Variants in GGTA1 observed in about 807,000 individuals in gnomAD.
GGTA1 encodes the protein inactive N-acetyllactosaminide alpha-1,3-galactosyltransferase.
GGTA1 carries 5 observed loss-of-function variants against 2.6 expected under a neutral mutation model. That is an observed-to-expected ratio of 1.92 (90% CI 1.00 to 4.04). The LOEUF (loss-of-function observed/expected upper bound fraction) is 4.04, where lower values mean the gene tolerates loss of function less well. Ranked by LOEUF, GGTA1 falls within the 30% of genes most tolerant of loss-of-function variation. GGTA1 has a pLI of 0.00. For synonymous variants in GGTA1, 17 were observed against 5.0 expected (o/e 3.38, Z -3.19); for missense variants, 50 against 16.7 (o/e 2.99, Z -3.47).
intron 1 of GGTA1, among the ~76,000 whole-genome samples, chr9:121,492,286 T>G (rs1350987213): frequency 6.6e-6 from 1 of 152,088 alleles, no homozygotes; most frequent in Non-Finnish European, 1.5e-5. Flanking sequence ...TCGCAGGCGT[T>G]GCTCAGAGAG....
At chr9:121,448,265 C>T (rs2064861713) in intron 7 of GGTA1, among the ~76,000 whole-genome samples, 1 of 152,158 alleles carries the variant, frequency 6.6e-6, no homozygotes, top group African/African-American at 2.4e-5. Context: ...AACATAAACC[C>T]CAATGTTGCT....
chr9:121,473,117 C>T (rs1434411578), intron 1 of GGTA1, among the ~76,000 whole-genome samples: 1 of 151,908 alleles, frequency 6.6e-6, no homozygotes, highest in Non-Finnish European at 1.5e-5. Flanking sequence ...GTCAGGAGTT[C>T]GAGACCAGCC....
intron 1 of GGTA1, among the ~76,000 whole-genome samples, chr9:121,494,993 C>T (rs1391173513): frequency 2.1e-5 from 3 of 144,556 alleles, no homozygotes; most frequent in Non-Finnish European, 3.0e-5. Context: ...GGTGCCATCT[C>T]AGCTCACTGC....
chr9:121,451,000 C>G (rs1331456428), downstream of GGTA1, among the ~76,000 whole-genome samples: 1 of 151,876 alleles, frequency 6.6e-6, no homozygotes, highest in East Asian at 1.9e-4. Flanking sequence ...CTTCAAGTCT[C>G]TTTATACAAG....
At chr9:121,474,055 A>T (rs756680961) in intron 1 of GGTA1, among the ~76,000 whole-genome samples, 8 of 151,810 alleles carry the variant, frequency 5.3e-5, no homozygotes, top group Non-Finnish European at 1.2e-4. Flanking sequence ...AAAAGAAAAG[A>T]AAGTTCTAAA....
intron 5 of GGTA1, among the ~76,000 whole-genome samples, chr9:121,459,896 T>A (rs547715447): frequency 2.7e-4 from 41 of 152,224 alleles, no homozygotes; most frequent in Non-Finnish European, 4.1e-4. Context: ...AGCACAGTGT[T>A]TTTGACCATA....
At chr9:121,466,989 C>T (rs867354126) in intron 2 of GGTA1, among the ~76,000 whole-genome samples, 7 of 150,798 alleles carry the variant, frequency 4.6e-5, no homozygotes, top group Admixed American at 1.3e-4. Flanking sequence ...AAGAGATATT[C>T]GAATGTTAAT....
intron 1 of GGTA1, among the ~76,000 whole-genome samples, chr9:121,491,519 C>T (rs1291322807): frequency 6.6e-6 from 1 of 152,196 alleles, no homozygotes; most frequent in Non-Finnish European, 1.5e-5. Context: ...AGGTCATTTC[C>T]CCTGGCCACC....
downstream of GGTA1, among the ~76,000 whole-genome samples, chr9:121,451,616 A>G (rs2064878742): frequency 6.6e-6 from 1 of 152,216 alleles, no homozygotes; most frequent in Non-Finnish European, 1.5e-5. Flanking sequence ...CTAGGGCCAA[A>G]TCCTCCATGA....
downstream of GGTA1, among the ~76,000 whole-genome samples, chr9:121,454,569 T>C (rs993073207): frequency 1.3e-5 from 2 of 152,170 alleles, no homozygotes; most frequent in African/African-American, 4.8e-5. Flanking sequence ...GGGTTAAAGC[T>C]GGGATTTAAA....
In GGTA1 at chr9:121,459,126, G is replaced by A. The variant is rs115498996; in HGVS notation, c.298+978C>T. 8.4e-3 allele frequency among the ~76,000 whole-genome samples: 1,276 copies of A among 152,306 alleles called. 19 individuals carry two copies. The highest frequency in any genetic ancestry group is 0.029 in the African/African-American group (1,215 of 41,544). On this transcript the variant is annotated intron_variant, in intron 5 of 5. Coordinates refer to ENST00000481799, the MANE Select transcript of GGTA1 (RefSeq NM_001382585.1). ...AAGAGAAGTTGCCAGAACATATTCA[G>A]TCTTTCCAGAGCCCAAGCTCCTTCA... is the stretch of plus-strand genomic sequence containing the variant.
intron 1 of GGTA1, among the ~76,000 whole-genome samples, chr9:121,492,726 G>A (rs953228243): frequency 4.0e-5 from 6 of 151,754 alleles, no homozygotes; most frequent in African/African-American, 1.4e-4. Context: ...CGCCCGCCTC[G>A]GCCTCCCAAA....
intron 1 of GGTA1, among the ~76,000 whole-genome samples, chr9:121,472,863 T>C (rs887746120): frequency 1.3e-5 from 2 of 152,174 alleles, no homozygotes; most frequent in Non-Finnish European, 2.9e-5. Flanking sequence ...ATAGCCCGAA[T>C]CAGACATACC....
chr9:121,498,894 G>GT (rs142008912), intron 1 of GGTA1, among the ~76,000 whole-genome samples: 13,799 of 142,810 alleles, frequency 0.097, 745 homozygotes, highest in African/African-American at 0.15. Context: ...TCTTTTTACT[G>GT]TTTTTTTTTT....
intron 1 of GGTA1, among the ~76,000 whole-genome samples, chr9:121,489,425 C>T (rs1271661067): frequency 6.6e-6 from 1 of 152,120 alleles, no homozygotes; most frequent in Non-Finnish European, 1.5e-5. Flanking sequence ...CTCAAACTCC[C>T]GTACACAAAC....
chr9:121,494,922 C>CTT (rs66772492), intron 1 of GGTA1: 6,593 of 114,018 alleles, frequency 0.058, 477 homozygotes, highest in East Asian at 0.1. Context: ...CTACATCATT[C>CTT]TTTTTTTTTT....
intron 1 of GGTA1, among the ~76,000 whole-genome samples, chr9:121,473,208 T>C (rs1828429459): frequency 6.6e-6 from 1 of 150,594 alleles, no homozygotes; most frequent in South Asian, 2.1e-4. Context: ...TAATACCGGC[T>C]ACTTGGGAGG....
intron 1 of GGTA1, among the ~76,000 whole-genome samples, chr9:121,492,306 A>G (rs897353012): frequency 6.6e-6 from 1 of 152,034 alleles, no homozygotes; most frequent in African/African-American, 2.4e-5. Context: ...GAAGCTGGCT[A>G]GACTTGGGCC....
At chr9:121,494,976 G>C (rs1828958676) in intron 1 of GGTA1, among the ~76,000 whole-genome samples, 1 of 140,538 alleles carries the variant, frequency 7.1e-6, no homozygotes, top group Non-Finnish European at 1.5e-5. Flanking sequence ...TCAGGCTGGA[G>C]TGCAGTGGTG....
Sources: allele counts gnomAD v4.1 joint callset (sites outside exome capture counted in the v4.1 genomes callset), GRCh38; gene constraint gnomAD v4.1.1; transcripts MANE v1.5; gene names NCBI Gene and HGNC (gene_info 2026-07-23, HGNC 2026-07-21).